The following FNDC10 variants were observed in gnomAD, a reference collection of about 807,000 sequenced individuals.
FNDC10 encodes fibronectin type III domain containing 10, also known as fibronectin type III domain-containing protein 10.
FNDC10 carries 8 observed loss-of-function variants against 11.6 expected under a neutral mutation model. The observed-to-expected ratio is 0.69, with a 90% CI of 0.41 to 1.25. The LOEUF is 1.25. Ranked by LOEUF, FNDC10 falls within the 50% of genes most tolerant of loss-of-function variation. FNDC10 has a pLI of 0.01. For synonymous variants in FNDC10, 187 were observed against 162.9 expected, an observed-to-expected ratio of 1.15 and a Z score of -1.12; for missense variants, 308 against 330.2, an observed-to-expected ratio of 0.93 and a Z score of 0.52.
In FNDC10 at chr1:1,599,200, G is replaced by T; in HGVS notation, c.*135C>A. ...CGTGTGATGATGCCAAAGTGCCGGA[G>T]CCGTCGCCGGCAGGTCCTCCTCCGC... On this transcript the variant is annotated 3_prime_UTR_variant, in exon 1 of 1. Transcript: ENST00000422725. The surrounding 1 kb of genome is among the most constrained non-coding windows in gnomAD (Gnocchi z 6.7). 1.2e-6 allele frequency: 1 copy of T among 836,970 alleles called. No individual in the cohort carries two copies. The highest frequency in any genetic ancestry group is 1.8e-6 in the Non-Finnish European group (1 of 566,208). 51.8% of individuals were successfully genotyped at this position (836,970 alleles called of 1,614,324 possible).
Sources: gnomAD v4.1 joint callset for allele counts on GRCh38, gnomAD v4.1.1 for gene constraint, Gnocchi (gnomAD v3.1) non-coding constraint, MANE v1.5 for transcripts, NCBI Gene and HGNC (gene_info 2026-07-23, HGNC 2026-07-21) for gene names.